The following SERPINI1 variants were observed in gnomAD, a reference collection of about 807,000 sequenced individuals.
The protein encoded by SERPINI1 is serpin family I member 1.
SERPINI1 carries 19 observed loss-of-function variants against 41.1 expected under a neutral mutation model. The ratio of observed to expected loss-of-function variants is 0.46; its 90% CI spans 0.32 to 0.68. The LOEUF (loss-of-function observed/expected upper bound fraction) is 0.68, where lower values mean the gene tolerates loss of function less well. SERPINI1 is among the 30% of genes least tolerant of loss of function. The probability of loss-of-function intolerance (pLI) is 0.03; values close to 1 mark genes in which losing one functional copy is unlikely to be tolerated. For missense variants in SERPINI1, 460 were observed against 479.2 expected (o/e 0.96, Z 0.37); for synonymous variants, 138 against 156.6 (o/e 0.88, Z 0.89).
intron 1 of SERPINI1, among the ~76,000 whole-genome samples, chr3:167,744,125 T>G (rs1725766044): frequency 6.6e-6 from 1 of 152,094 alleles, no homozygotes; most frequent in South Asian, 2.1e-4. Context: ...AGCTCTACAG[T>G]CAGACAAAAC....
chr3:167,805,240 C>G (rs1240108333), intron 5 of SERPINI1, among the ~76,000 whole-genome samples: 1 of 152,172 alleles, frequency 6.6e-6, no homozygotes, highest in Non-Finnish European at 1.5e-5. Flanking sequence ...AATCACCATT[C>G]TGACTGGCGT....
chr3:167,817,060 A>T (rs1332991364), intron 6 of SERPINI1, among the ~76,000 whole-genome samples: 1 of 151,912 alleles, frequency 6.6e-6, no homozygotes, highest in Non-Finnish European at 1.5e-5. Flanking sequence ...AGGAGAGGGG[A>T]TAAAATGTTT....
intron 5 of SERPINI1, among the ~76,000 whole-genome samples, chr3:167,796,371 G>C (rs1221825888): frequency 6.6e-6 from 1 of 151,130 alleles, no homozygotes; most frequent in Non-Finnish European, 1.5e-5. Context: ...TTTATTTTAA[G>C]GTCTGGTATA....
chr3:167,754,851 C>T (rs1448581085), intron 1 of SERPINI1, among the ~76,000 whole-genome samples: 1 of 152,160 alleles, frequency 6.6e-6, no homozygotes, highest in East Asian at 1.9e-4. Flanking sequence ...TATTTTTGTC[C>T]ATGTCCTACC....
At chr3:167,773,632 C>A (rs1726865111) in intron 1 of SERPINI1, among the ~76,000 whole-genome samples, 1 of 152,138 alleles carries the variant, frequency 6.6e-6, no homozygotes, top group African/African-American at 2.4e-5. Context: ...TCTTTTCAGT[C>A]ATTCACACTG....
intron 4 of SERPINI1, among the ~76,000 whole-genome samples, chr3:167,793,596 A>ATATATATTTTTTTTTTTTTTT: frequency 2.1e-5 from 3 of 140,608 alleles, no homozygotes; most frequent in African/African-American, 8.2e-5. Context: ...ATATATATAT[A>ATATATATTTTTTTTTTTTTTT]TTTTTAATTA....
intron 1 of SERPINI1, among the ~76,000 whole-genome samples, chr3:167,778,441 C>T (rs1727025608): frequency 1.3e-5 from 2 of 152,112 alleles, no homozygotes; most frequent in Admixed American, 6.5e-5. Flanking sequence ...ATGGGTTTCT[C>T]TGATTGGTTG....
chr3:167,774,343 A>T (rs1323972006), intron 1 of SERPINI1, among the ~76,000 whole-genome samples: 1 of 152,144 alleles, frequency 6.6e-6, no homozygotes, highest in South Asian at 2.1e-4. Flanking sequence ...AGCCTAATTC[A>T]TCTTACCAAA....
intron 5 of SERPINI1, among the ~76,000 whole-genome samples, chr3:167,796,441 A>G (rs1727713341): frequency 6.6e-6 from 1 of 152,156 alleles, no homozygotes; most frequent in African/African-American, 2.4e-5. Flanking sequence ...AGTTTGCTGC[A>G]CCTATCAACT....
chr3:167,798,926 C>T (rs1481141473), intron 5 of SERPINI1, among the ~76,000 whole-genome samples: 2 of 152,110 alleles, frequency 1.3e-5, no homozygotes, highest in Non-Finnish European at 2.9e-5. Flanking sequence ...GTATCCTAAA[C>T]CTCAGCAATA....
intron 1 of SERPINI1, among the ~76,000 whole-genome samples, chr3:167,776,725 A>T (rs1160360088): frequency 6.6e-6 from 1 of 152,226 alleles, no homozygotes; most frequent in East Asian, 1.9e-4. Context: ...AATCAAATTA[A>T]AAGTTAAGTT....
chr3:167,803,143 G>A (rs138264024), intron 5 of SERPINI1, among the ~76,000 whole-genome samples: 10,840 of 151,812 alleles, frequency 0.071, 541 homozygotes, highest in Non-Finnish European at 0.11. Flanking sequence ...TGGGGGAGGG[G>A]GAGGGATAGC....
chr3:167,813,602 A>C (rs1012295384), intron 6 of SERPINI1, among the ~76,000 whole-genome samples: 2 of 152,132 alleles, frequency 1.3e-5, no homozygotes, highest in Non-Finnish European at 2.9e-5. Flanking sequence ...TTGACCTGAC[A>C]TTCCTCTTCC....
chr3:167,789,306 A>G lies in SERPINI1; in HGVS notation c.178A>G (p.Met60Val). The G allele has an allele frequency of 1.2e-6, 2 of 1,614,224 alleles. No homozygotes were observed. Among genetic ancestry groups the G allele is most frequent in the Non-Finnish European group, 1.7e-6 (2 of 1,180,018 alleles). The part of the protein sequence containing the change: ...PLSIALAMGM[M>V]ELGAQGSTQK... ...GAGTATTGCTCTTGCAATGGGAATG[A>G]TGGAACTTGGGGCCCAAGGATCTAC... Residue 60 changes from methionine to valine, a missense_variant, in exon 2 of 9, where the codon ATG becomes GTG. By Grantham distance (21) the Met-to-Val change is conservative. Coordinates refer to ENST00000446050, the MANE Select transcript of SERPINI1 (RefSeq NM_001122752.2).
chr3:167,756,790 T>A (rs1726206952), intron 1 of SERPINI1, among the ~76,000 whole-genome samples: 1 of 152,218 alleles, frequency 6.6e-6, no homozygotes. Flanking sequence ...GCTATTTGAT[T>A]TCCATTAATC....
intron 1 of SERPINI1, among the ~76,000 whole-genome samples, chr3:167,766,743 A>G (rs893242380): frequency 4.6e-5 from 7 of 152,212 alleles, no homozygotes; most frequent in Non-Finnish European, 1.0e-4. Flanking sequence ...AGATAGATCA[A>G]ACCAGCCATA....
chr3:167,784,776 G>A (rs1362607934), intron 1 of SERPINI1, among the ~76,000 whole-genome samples: 1 of 151,976 alleles, frequency 6.6e-6, no homozygotes, highest in Non-Finnish European at 1.5e-5. Context: ...ACCAGATTGG[G>A]GATTATGGGG....
intron 1 of SERPINI1, among the ~76,000 whole-genome samples, chr3:167,739,298 A>G (rs77322398): frequency 0.037 from 5,615 of 152,286 alleles, 147 homozygotes; most frequent in Middle Eastern, 0.072. Flanking sequence ...ACTGAATTAG[A>G]ACCATTGGAC....
At chr3:167,753,570 G>A (rs907365093) in intron 1 of SERPINI1, among the ~76,000 whole-genome samples, 1 of 152,078 alleles carries the variant, frequency 6.6e-6, no homozygotes, top group Non-Finnish European at 1.5e-5. Context: ...GAAGATTGGG[G>A]GTGGGGAGCA....
Sources: allele counts gnomAD v4.1 joint callset (sites outside exome capture counted in the v4.1 genomes callset), GRCh38; gene constraint gnomAD v4.1.1; transcripts MANE v1.5; gene names NCBI Gene and HGNC (gene_info 2026-07-23, HGNC 2026-07-21).